AP1M1: variants seen among roughly 807,000 people sequenced by gnomAD.
AP1M1 encodes the protein adaptor related protein complex 1 subunit mu 1.
AP1M1 carries 18 observed loss-of-function variants against 57.1 expected under a neutral mutation model. The ratio of observed to expected loss-of-function variants is 0.32; its 90% CI spans 0.22 to 0.47. AP1M1 has a LOEUF of 0.47. Ranked by LOEUF, AP1M1 falls within the 20% of genes least tolerant of loss-of-function variation. The pLI, the probability that AP1M1 is intolerant of heterozygous loss-of-function variation, is 1.00. For missense variants in AP1M1, 362 were observed against 593.5 expected (o/e 0.61, Z 4.05); for synonymous variants, 241 against 237.9 (o/e 1.01, Z -0.12).
intron 2 of AP1M1, among the ~76,000 whole-genome samples, chr19:16,205,762 A>G (rs1056810980): frequency 2.0e-5 from 3 of 152,224 alleles, no homozygotes; most frequent in Non-Finnish European, 4.4e-5. Context: ...CATCTGTGCC[A>G]GACATCTCAC....
At chr19:16,220,643 G>A (rs533936346) in intron 5 of AP1M1, among the ~76,000 whole-genome samples, 8 of 152,058 alleles carry the variant, frequency 5.3e-5, no homozygotes, top group South Asian at 4.2e-4. Context: ...TGCTCACCCC[G>A]GCCTCCCAAA....
chr19:16,199,637 G>C lies in AP1M1; in HGVS notation c.42+1569G>C, dbSNP rs559140307. Among the ~76,000 whole-genome samples the C allele has an allele frequency of 2.6e-5, 4 of 152,274 alleles. No individual in the cohort carries two copies. In the East Asian group the frequency reaches 7.7e-4, roughly 29 times the overall value. On this transcript the variant is annotated intron_variant, in intron 1 of 11. Coordinates refer to ENST00000291439, the MANE Select transcript of AP1M1 (RefSeq NM_032493.4). ...CACTTTCCTGAAGTCCCTTGAGTGG[G>C]TGCCTGCTCTGGAAGCCACCCAAAG...
chr19:16,223,505 G>A (rs1178508472), intron 5 of AP1M1, among the ~76,000 whole-genome samples: 1 of 152,234 alleles, frequency 6.6e-6, no homozygotes, highest in Non-Finnish European at 1.5e-5. Flanking sequence ...AGAGGACAGA[G>A]AGAGAAAAGG....
chr19:16,204,688 T>C (rs1297046510), intron 2 of AP1M1, among the ~76,000 whole-genome samples: 1 of 152,088 alleles, frequency 6.6e-6, no homozygotes, highest in Non-Finnish European at 1.5e-5. Context: ...AGAATCTGCA[T>C]TGTAGGAAGA....
At chr19:16,198,489 G>T (rs1346773172) in intron 1 of AP1M1, among the ~76,000 whole-genome samples, 1 of 152,182 alleles carries the variant, frequency 6.6e-6, no homozygotes, top group African/African-American at 2.4e-5. Flanking sequence ...AGCCAGTCCC[G>T]CCTTCTCAGG....
At chr19:16,202,249 A>C (rs12982033) in intron 1 of AP1M1, among the ~76,000 whole-genome samples, 1 of 152,014 alleles carries the variant, frequency 6.6e-6, no homozygotes, top group Non-Finnish European at 1.5e-5. Flanking sequence ...TCAGCGCCGC[A>C]ATGGCCTTCT....
chr19:16,211,915 G>A (rs974095364), intron 5 of AP1M1, among the ~76,000 whole-genome samples: 2 of 152,148 alleles, frequency 1.3e-5, no homozygotes, highest in Non-Finnish European at 2.9e-5. Context: ...TGATTTGCAT[G>A]TATTGAACCA....
At chr19:16,209,239 C>T (rs2091483138) in intron 5 of AP1M1, 62 bp downstream of exon 5, 28 of 1,579,210 alleles carry the variant, frequency 1.8e-5, no homozygotes, top group Non-Finnish European at 2.2e-5. Flanking sequence ...GAAATAAACA[C>T]AGCATTTTAA....
In AP1M1 at chr19:16,227,412, T is replaced by C. The variant is rs2091576023; in HGVS notation, c.674-136T>C. ...TTGTCTTGGGACCCAGCCCCCTTGG[T>C]GTTTGTGGCCCAGGCTGCTCTCAGT... On this transcript the variant is annotated intron_variant, in intron 6 of 11. Coordinates refer to ENST00000291439, the MANE Select transcript of AP1M1 (RefSeq NM_032493.4). This position sits in a 1 kb window ranked among gnomAD's most constrained non-coding sequence, Gnocchi z 6.2. The C allele has an allele frequency of 3.1e-6, 3 of 956,376 alleles. No homozygotes were observed. The highest frequency in any genetic ancestry group is 1.6e-5 in the South Asian group (1 of 62,050). 59.2% of individuals were successfully genotyped at this position (956,376 alleles called of 1,614,324 possible). A position where few individuals can be genotyped will look rare whatever the true frequency, so the allele number is the denominator to read the frequency against.
Position 16,242,384 on chromosome 19 carries a change from A to G in AP1M1, c.*7949A>G, listed in dbSNP as rs1470886367. On this transcript the variant is annotated 3_prime_UTR_variant, in exon 12 of 12. Coordinates refer to ENST00000291439, the MANE Select transcript of AP1M1 (RefSeq NM_032493.4). ...TCTAAACTTTTTAAAATAATAAATA[A>G]TAGTACTTAAAACTGCACTGGGACT... 6.6e-6 allele frequency: 1 copy of G among 152,202 alleles called. No homozygotes were observed. Among genetic ancestry groups the G allele is most frequent in the Non-Finnish European group, 1.5e-5 (1 of 68,040 alleles). The allele number at this position is 152,202 out of a possible 1,614,324, so 9.4% of individuals were successfully genotyped here.
At position 16,228,546 on chromosome 19, in the gene AP1M1, G is replaced by C. The variant is rs1205692550; in HGVS notation, c.889-224G>C. ...GGCAGGGCAGAGGGAGGGATGAGGA[G>C]CCTTGGAAGCTGAGCAGACAGGAGG... On this transcript the variant is annotated intron_variant, in intron 8 of 11. Transcript: ENST00000291439. The surrounding 1 kb of genome is among the most constrained non-coding windows in gnomAD (Gnocchi z 5.0). 2.6e-5 allele frequency among the ~76,000 whole-genome samples: 4 copies of C among 152,202 alleles called. No homozygotes were observed. The highest frequency in any genetic ancestry group is 5.9e-5 in the Non-Finnish European group (4 of 68,024).
intron 1 of AP1M1, 24 bp downstream of exon 1, chr19:16,198,092 C>T (rs1286459664): frequency 6.3e-7 from 1 of 1,592,836 alleles, no homozygotes; most frequent in Non-Finnish European, 8.5e-7. Context: ...CCCACCCTCC[C>T]TGTTGCCAGG....
chr19:16,208,214 G>A (rs1450008845), intron 4 of AP1M1, 65 bp downstream of exon 4: 7 of 1,513,870 alleles, frequency 4.6e-6, no homozygotes, highest in Non-Finnish European at 6.2e-6. Context: ...ACGTCATCAG[G>A]TGTGGAAACA....
chr19:16,209,062 CAGG>C lies in AP1M1; in HGVS notation c.432_434del (p.Gly145del), dbSNP rs749481709. Reference sequence around the variant, plus strand: ...ACTCAGGAAGGCCACAAGCTGGAAACAGGGGCCCCGCGGCCACCAGCCACCGTC... The same window carrying C: ...ACTCAGGAAGGCCACAAGCTGGAAACGGCCCCGCGGCCACCAGCCACCGTC... On this transcript the variant is annotated inframe_deletion, in exon 5 of 12. Transcript: ENST00000291439. The C allele has an allele frequency of 3.7e-6, 6 of 1,614,190 alleles. No individual in the cohort carries two copies. In the South Asian group the frequency reaches 6.6e-5, roughly 18 times the overall value.
intron 5 of AP1M1, among the ~76,000 whole-genome samples, chr19:16,213,422 T>C (rs2091503687): frequency 6.6e-6 from 1 of 152,182 alleles, no homozygotes; most frequent in Non-Finnish European, 1.5e-5. Context: ...CTTTTGTCTG[T>C]TTTCTATTTG....
intron 5 of AP1M1, 108 bp from the exon 6 acceptor site, chr19:16,226,313 G>A: frequency 7.1e-7 from 1 of 1,414,488 alleles, no homozygotes; most frequent in South Asian, 1.4e-5. Context: ...TGGGCTTGGA[G>A]GTGAGAAGGG....
intron 5 of AP1M1, among the ~76,000 whole-genome samples, chr19:16,217,012 C>A (rs1266944654): frequency 6.6e-6 from 1 of 152,114 alleles, no homozygotes; most frequent in Non-Finnish European, 1.5e-5. Flanking sequence ...GTAGCAGCAG[C>A]AGTAGTGGCA....
At chr19:16,216,948 G>A (rs1018911326) in intron 5 of AP1M1, among the ~76,000 whole-genome samples, 7 of 151,888 alleles carry the variant, frequency 4.6e-5, no homozygotes, top group East Asian at 1.9e-4. Flanking sequence ...CACGCTTATC[G>A]GCTGTGACAG....
rs189118071 is a variant in AP1M1 at position 16,216,241 on chromosome 19, T to C, written c.546+7064T>C. On this transcript the variant is annotated intron_variant, in intron 5 of 11. Coordinates refer to ENST00000291439, the MANE Select transcript of AP1M1 (RefSeq NM_032493.4). ...TGGGCGGATCACAAGGTCAGGAGAT[T>C]GAGACCATCCTGGTGAACACAGTGA... is the stretch of plus-strand genomic sequence containing the variant. Among the ~76,000 whole-genome samples, 337 of 152,172 alleles carry C rather than the reference T, an allele frequency of 2.2e-3. 1 individual carries two copies. Among genetic ancestry groups the C allele is most frequent in the South Asian group, 4.6e-3 (22 of 4,820 alleles).
Sources: allele counts gnomAD v4.1 joint callset (sites outside exome capture counted in the v4.1 genomes callset), GRCh38; gene constraint gnomAD v4.1.1; non-coding constraint Gnocchi (gnomAD v3.1); transcripts MANE v1.5; gene names NCBI Gene and HGNC (gene_info 2026-07-23, HGNC 2026-07-21).